Variants in TFDP2 observed in about 807,000 individuals in gnomAD.
TFDP2 encodes transcription factor Dp-2 (E2F dimerization partner 2).
Under a neutral mutation model 59.3 loss-of-function variants are expected in TFDP2, and 17 were observed. That is an observed-to-expected ratio of 0.29 (90% CI 0.20 to 0.43). TFDP2 has a LOEUF of 0.43. TFDP2 is among the 20% of genes least tolerant of loss of function. TFDP2 has a pLI of 1.00. For synonymous variants in TFDP2, 180 were observed against 194.7 expected, an observed-to-expected ratio of 0.92 and a Z score of 0.63; for missense variants, 391 against 528.8, an observed-to-expected ratio of 0.74 and a Z score of 2.56.
rs562673068 is a variant in TFDP2 at position 142,079,863 on chromosome 3, A to G, written c.82+13198T>C. ...CAACAAAAGCAAAGAGATTTCATCA[A>G]CACCAGACCTGTTCTACAAGAAATT... On this transcript the variant is annotated intron_variant, in intron 3 of 12. Coordinates refer to ENST00000489671, the MANE Select transcript of TFDP2 (RefSeq NM_001178139.2). Among the ~76,000 whole-genome samples the G allele has an allele frequency of 2.6e-5, 4 of 152,374 alleles. No homozygotes were observed. In the South Asian group the frequency reaches 6.2e-4, roughly 24 times the overall value.
intron 11 of TFDP2, among the ~76,000 whole-genome samples, chr3:141,959,176 G>A (rs1269032778): frequency 1.3e-5 from 2 of 151,778 alleles, no homozygotes; most frequent in Admixed American, 6.6e-5. Context: ...GGCTGGTCTC[G>A]AACTCCCGAC....
At chr3:141,963,768 T>C (rs767877502) in intron 10 of TFDP2, 44 bp downstream of exon 10, 1 of 1,553,588 alleles carries the variant, frequency 6.4e-7, no homozygotes, top group South Asian at 1.2e-5. Flanking sequence ...ATGAAAATGT[T>C]AACAGAAGGC....
chr3:141,991,250 G>A (rs1942730625), intron 6 of TFDP2, among the ~76,000 whole-genome samples: 1 of 151,846 alleles, frequency 6.6e-6, no homozygotes, highest in Non-Finnish European at 1.5e-5. Flanking sequence ...ATTTTTTTAT[G>A]GTTTACAAAA....
intron 3 of TFDP2, among the ~76,000 whole-genome samples, chr3:142,048,088 C>CA (rs1379559644): frequency 6.6e-6 from 1 of 151,942 alleles, no homozygotes; most frequent in Non-Finnish European, 1.5e-5. Flanking sequence ...AATAAGCACA[C>CA]AGAGAATATC....
intron 3 of TFDP2, among the ~76,000 whole-genome samples, chr3:142,072,392 A>T (rs2060277815): frequency 6.6e-6 from 1 of 152,352 alleles, no homozygotes; most frequent in African/African-American, 2.4e-5. Flanking sequence ...CTACTACACT[A>T]TACTACCTTC....
At chr3:141,972,815 TA>T (rs1335435390) in intron 8 of TFDP2, among the ~76,000 whole-genome samples, 3 of 152,002 alleles carry the variant, frequency 2.0e-5, no homozygotes, top group Non-Finnish European at 4.4e-5. Flanking sequence ...AAGCACAAGG[TA>T]GATGTGAATA....
intron 3 of TFDP2, among the ~76,000 whole-genome samples, chr3:142,051,151 C>T (rs900380336): frequency 2.0e-5 from 3 of 152,168 alleles, no homozygotes; most frequent in African/African-American, 4.8e-5. Flanking sequence ...TTCTGGAAGA[C>T]TCTCCTGCGC....
chr3:142,023,834 T>C (rs370913009), intron 3 of TFDP2, among the ~76,000 whole-genome samples: 1 of 152,194 alleles, frequency 6.6e-6, no homozygotes, highest in Non-Finnish European at 1.5e-5. Context: ...GACAGGGTCT[T>C]GCTCTGTTGC....
At chr3:142,075,883 G>T (rs926952525) in intron 3 of TFDP2, among the ~76,000 whole-genome samples, 1 of 147,218 alleles carries the variant, frequency 6.8e-6, no homozygotes, top group Non-Finnish European at 1.5e-5. Flanking sequence ...CTCCAGCCTG[G>T]GCAACAGAGC....
intron 3 of TFDP2, among the ~76,000 whole-genome samples, chr3:142,070,530 T>C (rs1442613139): frequency 6.6e-6 from 1 of 152,192 alleles, no homozygotes; most frequent in East Asian, 1.9e-4. Flanking sequence ...TTCTCCAGCC[T>C]TGGCTTCATT....
At chr3:142,019,661 C>T (rs969446251) in intron 3 of TFDP2, among the ~76,000 whole-genome samples, 1 of 149,108 alleles carries the variant, frequency 6.7e-6, no homozygotes, top group Non-Finnish European at 1.5e-5. Context: ...CCCCCAACAT[C>T]TTCTTATACA....
intron 11 of TFDP2, among the ~76,000 whole-genome samples, chr3:141,955,554 C>T (rs1936510195): frequency 1.3e-5 from 2 of 152,020 alleles, no homozygotes; most frequent in Admixed American, 1.3e-4. Context: ...GCGGGGGGCC[C>T]TTGCAGGGGA....
chr3:142,069,601 T>C lies in TFDP2; in HGVS notation c.82+23460A>G, dbSNP rs545646069. On this transcript the variant is annotated intron_variant, in intron 3 of 12. Transcript: ENST00000489671. ...GACAAGAGTGTTTTTGTCAAACATT[T>C]TTCCTTTCCTTTTTTTTTTTTTGAG... Among the ~76,000 whole-genome samples the C allele has an allele frequency of 3.3e-5, 5 of 152,174 alleles. No individual in the cohort carries two copies. In the East Asian group the frequency reaches 7.7e-4, roughly 23 times the overall value.
At chr3:142,111,427 C>CAA (rs80110477) in intron 1 of TFDP2, among the ~76,000 whole-genome samples, 7,328 of 59,622 alleles carry the variant, frequency 0.12, 396 homozygotes, top group Non-Finnish European at 0.19. Context: ...GACTCTGTCT[C>CAA]AAAAAAAAAA....
intron 3 of TFDP2, among the ~76,000 whole-genome samples, chr3:142,050,749 G>T (rs1947585412): frequency 6.6e-6 from 1 of 151,980 alleles, no homozygotes; most frequent in Non-Finnish European, 1.5e-5. Context: ...TTGGGAGGTT[G>T]AGGCAGGAGA....
At chr3:141,973,120 TA>T (rs1426147836) in intron 8 of TFDP2, among the ~76,000 whole-genome samples, 12,801 of 86,026 alleles carry the variant, frequency 0.15, 875 homozygotes, top group Non-Finnish European at 0.2. Flanking sequence ...TATATATATA[TA>T]TATTTTTTTT....
Position 141,952,617 on chromosome 3 carries a change from T to C in TFDP2, c.1237A>G (p.Ser413Gly). 1 of 1,590,454 alleles carries C rather than the reference T, an allele frequency of 6.3e-7. No individual in the cohort carries two copies. Among genetic ancestry groups the C allele is most frequent in the Non-Finnish European group, 8.5e-7 (1 of 1,174,396 alleles). Residue 413 changes from serine (S) to glycine (G), a missense_variant, in exon 13 of 13, where the codon AGC becomes GGC. Ser to Gly is a moderately conservative substitution (Grantham distance 56). Transcript: ENST00000489671. The stretch of plus-strand genomic sequence containing the variant: ...TCGGAGCAGTGAGAGGCCGCACTGC[T>C]GGACTGGTGACTGTTTGGGGCCAGG... ...QFLAPNSHQSSSAASHCSESR... is the reference protein window; with the variant it reads ...QFLAPNSHQSGSAASHCSESR...
In TFDP2 at chr3:141,949,179, A is replaced by G. The variant is rs953809115; in HGVS notation, c.*3334T>C. The G allele has an allele frequency of 9.9e-5, 15 of 152,052 alleles. No homozygotes were observed. Among genetic ancestry groups the G allele is most frequent in the African/African-American group, 3.6e-4 (15 of 41,412 alleles). 9.4% of individuals were successfully genotyped at this position (152,052 alleles called of 1,614,324 possible). On this transcript the variant is annotated 3_prime_UTR_variant, in exon 13 of 13. Coordinates refer to ENST00000489671, the MANE Select transcript of TFDP2 (RefSeq NM_001178139.2). ...CATTATTTTTCAAATATGGCAGAGT[A>G]CTGTTAACAACTGTAAAATTTGCTA...
At position 141,947,883 on chromosome 3, in the gene TFDP2, C is replaced by G. The variant is rs1332626962; in HGVS notation, c.*4630G>C. ...GTCTCTTTCCCAGAGGGGCCTTTCC[C>G]AGCCACCCCCAGCCAAAGTAGCCTT... On this transcript the variant is annotated 3_prime_UTR_variant, in exon 13 of 13. Coordinates refer to ENST00000489671, the MANE Select transcript of TFDP2 (RefSeq NM_001178139.2). The G allele has an allele frequency of 1.3e-5, 2 of 152,400 alleles. No individual in the cohort carries two copies. Among genetic ancestry groups the G allele is most frequent in the Admixed American group, 1.3e-4 (2 of 15,284 alleles). 9.4% of individuals were successfully genotyped at this position (152,400 alleles called of 1,614,324 possible).
Sources: gnomAD v4.1 joint callset for allele counts (sites outside exome capture counted in the v4.1 genomes callset) on GRCh38, gnomAD v4.1.1 for gene constraint, MANE v1.5 for transcripts, NCBI Gene and HGNC (gene_info 2026-07-23, HGNC 2026-07-21) for gene names.